Variants in VPS13B observed in about 807,000 individuals in gnomAD.
The protein encoded by VPS13B is intermembrane lipid transfer protein VPS13B.
VPS13B carries 285 observed loss-of-function variants against 426.4 expected under a neutral mutation model. That is an observed-to-expected ratio of 0.67 (90% CI 0.61 to 0.74). The LOEUF is 0.74. Ranked by LOEUF, VPS13B falls within the 30% of genes least tolerant of loss-of-function variation. VPS13B has a pLI of 0.00. For missense variants in VPS13B, 4,537 were observed against 4,782.6 expected (o/e 0.95, Z 1.51); for synonymous variants, 1,676 against 1,676.4 (o/e 1.00, Z 0.01).
chr8:99,135,994 C>T (rs1810052198), intron 11 of VPS13B, among the ~76,000 whole-genome samples: 1 of 151,956 alleles, frequency 6.6e-6, no homozygotes, highest in South Asian at 2.1e-4. Flanking sequence ...TGTTGAATTA[C>T]CTCTGTTAAT....
At chr8:99,673,420 A>C (rs1008151688) in intron 35 of VPS13B, among the ~76,000 whole-genome samples, 6 of 151,918 alleles carry the variant, frequency 3.9e-5, no homozygotes, top group African/African-American at 1.4e-4. Context: ...ATAATTGTTC[A>C]TGTTATTCCC....
chr8:99,697,174 A>C (rs1331187741), intron 35 of VPS13B: 1 of 547,702 alleles, frequency 1.8e-6, no homozygotes, highest in Non-Finnish European at 3.4e-6. Flanking sequence ...AAGGAAGAGC[A>C]GGTGAAAGTG....
At chr8:99,507,366 T>C (rs907137738) in intron 28 of VPS13B, among the ~76,000 whole-genome samples, 163 bp downstream of exon 28, 3 of 152,240 alleles carry the variant, frequency 2.0e-5, no homozygotes, top group African/African-American at 7.2e-5. Flanking sequence ...TATTTATTCT[T>C]TGAAACTGCT....
intron 19 of VPS13B, among the ~76,000 whole-genome samples, chr8:99,286,301 C>G (rs183830402): frequency 6.6e-6 from 1 of 152,150 alleles, no homozygotes; most frequent in Non-Finnish European, 1.5e-5. Flanking sequence ...AAAATGTAGT[C>G]TGGCTTCGGT....
At chr8:99,660,187 G>C (rs1198563544) in intron 34 of VPS13B, among the ~76,000 whole-genome samples, 1 of 152,104 alleles carries the variant, frequency 6.6e-6, no homozygotes, top group Non-Finnish European at 1.5e-5. Context: ...ATTGCTTTCA[G>C]CATTTTCTTT....
intron 19 of VPS13B, among the ~76,000 whole-genome samples, chr8:99,326,451 G>GTTTTTTTTTT (rs1563669420): frequency 4.1e-4 from 8 of 19,740 alleles, no homozygotes; most frequent in Non-Finnish European, 6.0e-4. Flanking sequence ...TCTCTAGGTA[G>GTTTTTTTTTT]CTTTTTTTTT....
intron 33 of VPS13B, among the ~76,000 whole-genome samples, chr8:99,621,376 A>G (rs759335467): frequency 5.3e-5 from 8 of 152,216 alleles, no homozygotes; most frequent in Non-Finnish European, 8.8e-5. Flanking sequence ...CAAGATCTTG[A>G]TATTAATCCC....
chr8:99,723,776 G>T (rs1158092989), intron 39 of VPS13B, among the ~76,000 whole-genome samples: 1 of 152,192 alleles, frequency 6.6e-6, no homozygotes, highest in African/African-American at 2.4e-5. Flanking sequence ...TTCATATTTT[G>T]TTGGAGAAAT....
At chr8:99,019,518 A>G (rs1454884748) in intron 2 of VPS13B, among the ~76,000 whole-genome samples, 1 of 152,136 alleles carries the variant, frequency 6.6e-6, no homozygotes, top group African/African-American at 2.4e-5. Flanking sequence ...TCATTTTTAA[A>G]TGTACGATTC....
chr8:99,619,802 T>G (rs1828271657), intron 33 of VPS13B, among the ~76,000 whole-genome samples: 1 of 151,766 alleles, frequency 6.6e-6, no homozygotes, highest in Non-Finnish European at 1.5e-5. Flanking sequence ...GCTTGGGAAG[T>G]GGAGGTTGTA....
At chr8:99,294,104 G>A (rs1317232906) in intron 19 of VPS13B, among the ~76,000 whole-genome samples, 16 of 78,384 alleles carry the variant, frequency 2.0e-4, no homozygotes, top group African/African-American at 8.9e-4. Context: ...TGTTTATTGC[G>A]GCATTATTCA....
At chr8:99,564,132 A>C in intron 31 of VPS13B, among the ~76,000 whole-genome samples, 1 of 152,158 alleles carries the variant, frequency 6.6e-6, no homozygotes, top group East Asian at 1.9e-4. Context: ...TTAAGTGTAG[A>C]GAATCATCAG....
chr8:99,531,288 A>G lies in VPS13B; in HGVS notation c.4745+10278A>G, dbSNP rs112703630. On this transcript the variant is annotated intron_variant, in intron 30 of 61. Transcript: ENST00000357162. Reference sequence around the variant, plus strand: ...ATTCTACAAATATAGCTCCGTAGCTAATGATTTTGATTGCCATCAAGGTTT... The same window carrying G: ...ATTCTACAAATATAGCTCCGTAGCTGATGATTTTGATTGCCATCAAGGTTT... Among the ~76,000 whole-genome samples the G allele has an allele frequency of 1.9e-3, 283 of 152,334 alleles. 1 individual carries two copies. The highest frequency in any genetic ancestry group is 6.5e-3 in the African/African-American group (269 of 41,582).
chr8:99,341,030 T>G, intron 19 of VPS13B: 1 of 271,438 alleles, frequency 3.7e-6, no homozygotes, highest in South Asian at 5.1e-5. Flanking sequence ...TATACTGAGC[T>G]TATTCCCATG....
intron 44 of VPS13B, among the ~76,000 whole-genome samples, chr8:99,809,899 C>T (rs970012979): frequency 1.3e-5 from 2 of 152,242 alleles, no homozygotes; most frequent in Middle Eastern, 3.4e-3. Flanking sequence ...AATCCACCAG[C>T]GGATAACCAA....
intron 21 of VPS13B, among the ~76,000 whole-genome samples, chr8:99,403,338 C>T (rs754821623): frequency 2.0e-5 from 3 of 152,004 alleles, no homozygotes; most frequent in Non-Finnish European, 4.4e-5. Context: ...CACCTGAGGC[C>T]AGGAGTTCAA....
intron 14 of VPS13B, among the ~76,000 whole-genome samples, chr8:99,151,369 T>G (rs138011254): frequency 6.6e-6 from 1 of 152,192 alleles, no homozygotes; most frequent in Non-Finnish European, 1.5e-5. Flanking sequence ...AAATTTTGAA[T>G]TTTTAGTGAA....
intron 19 of VPS13B, among the ~76,000 whole-genome samples, chr8:99,330,100 T>C (rs1460718013): frequency 1.3e-5 from 2 of 152,018 alleles, no homozygotes; most frequent in Non-Finnish European, 2.9e-5. Context: ...GAGAGGCATG[T>C]CTTCCAAGGA....
intron 24 of VPS13B, among the ~76,000 whole-genome samples, chr8:99,473,011 T>C (rs1446125226): frequency 1.3e-5 from 2 of 152,008 alleles, no homozygotes; most frequent in Non-Finnish European, 2.9e-5. Context: ...GAAAATTGAA[T>C]GTGATGTCAA....
Sources: gnomAD v4.1 joint callset for allele counts (sites outside exome capture counted in the v4.1 genomes callset) on GRCh38, gnomAD v4.1.1 for gene constraint, MANE v1.5 for transcripts, NCBI Gene and HGNC (gene_info 2026-07-23, HGNC 2026-07-21) for gene names.